Variants in FAM53C observed in about 807,000 individuals in gnomAD.
FAM53C encodes the protein protein FAM53C.
FAM53C carries 10 observed loss-of-function variants against 34.7 expected under a neutral mutation model. The ratio of observed to expected loss-of-function variants is 0.29; its 90% CI spans 0.18 to 0.49. FAM53C has a LOEUF of 0.49. FAM53C is among the 20% of genes least tolerant of loss of function. The pLI is 0.99. For synonymous variants in FAM53C, 203 were observed against 203.6 expected (o/e 1.00, Z 0.03); for missense variants, 442 against 515.3 (o/e 0.86, Z 1.38).
chr5:138,346,566 G>T (rs1415711005), intron 4 of FAM53C, 136 bp from the exon 5 acceptor site: 4 of 1,097,206 alleles, frequency 3.6e-6, no homozygotes, highest in Non-Finnish European at 5.1e-6. Flanking sequence ...AGAGCTTGCA[G>T]TGAGCCAAGA....
chr5:138,342,064 G>T, intron 3 of FAM53C, 198 bp downstream of exon 3: 1 of 547,384 alleles, frequency 1.8e-6, no homozygotes, highest in South Asian at 2.8e-5. Flanking sequence ...TTCTAGCTTT[G>T]TGGGGACTTG....
upstream of FAM53C, chr5:138,338,121 T>G: frequency 7.8e-7 from 1 of 1,289,660 alleles, no homozygotes. Context: ...GAGAGACACT[T>G]TGAGAGAGAC....
In FAM53C at chr5:138,345,369, T is replaced by G. The variant is rs1761141572; in HGVS notation, c.681T>G (p.Pro227=). 1.9e-6 allele frequency: 3 copies of G among 1,614,108 alleles called. No homozygotes were observed. The highest frequency in any genetic ancestry group is 2.5e-6 in the Non-Finnish European group (3 of 1,180,030). ...SDAESLSPCP[P]QRRFSLSPSL... ...CTGAGTCCTTGTCACCTTGCCCACC[T>G]CAGCGCCGCTTCTCCCTGTCACCCA... Residue 227 remains proline (P), a synonymous_variant, in exon 4 of 5, where the codon CCT becomes CCG. Coordinates refer to ENST00000239906, the MANE Select transcript of FAM53C (RefSeq NM_016605.3). The surrounding 1 kb of genome is among the most constrained non-coding windows in gnomAD (Gnocchi z 6.3).
intron 3 of FAM53C, chr5:138,342,544 A>G (rs535924108): frequency 6.6e-6 from 1 of 152,364 alleles, no homozygotes. Context: ...CCTGACCAAC[A>G]TGGAGAAACC....
Position 138,344,930 on chromosome 5 carries a change from C to T in FAM53C, c.242C>T (p.Pro81Leu), listed in dbSNP as rs1449388491. 6.2e-7 allele frequency: 1 copy of T among 1,614,122 alleles called. No homozygotes were observed. Among genetic ancestry groups the T allele is most frequent in the South Asian group, 1.1e-5 (1 of 91,076 alleles). The change falls in exon 4 of 5, where the codon CCC becomes CTC. Residue 81 changes from proline to leucine, a missense_variant. Transcript: ENST00000239906. ...PSGLSLHLRP[P>L]SRGNSPKEQP... ...GGCCTGAGCCTGCACCTCAGACCAC[C>T]CAGTCGGGGAAACTCCCCCAAGGAG... is the stretch of plus-strand genomic sequence containing the variant.
chr5:138,340,531 A>G (rs1426287844), intron 1 of FAM53C, among the ~76,000 whole-genome samples: 1 of 152,246 alleles, frequency 6.6e-6, no homozygotes, highest in Non-Finnish European at 1.5e-5. Context: ...TTTGCATCAG[A>G]TGAGGCTAAA....
chr5:138,347,230 G>A lies in FAM53C; in HGVS notation c.*271G>A. The A allele has an allele frequency of 2.0e-6, 1 of 492,232 alleles. No homozygotes were observed. The highest frequency in any genetic ancestry group is 3.9e-5 in the East Asian group (1 of 25,384). The allele number at this position is 492,232 out of a possible 1,614,324, so 30.5% of individuals were successfully genotyped here. A position where few individuals can be genotyped will look rare whatever the true frequency, so the allele number is the denominator to read the frequency against. On this transcript the variant is annotated 3_prime_UTR_variant, in exon 5 of 5. Transcript: ENST00000239906. Reference sequence around the variant, plus strand: ...AGTGTGAGTATCCCTGCCACCAAGAGAGCAATGGGCAGGGAAGGAAGGGGT... The same window carrying A: ...AGTGTGAGTATCCCTGCCACCAAGAAAGCAATGGGCAGGGAAGGAAGGGGT...
chr5:138,347,017 G>T lies in FAM53C; in HGVS notation c.*58G>T. 3.7e-6 allele frequency: 6 copies of T among 1,606,916 alleles called. No homozygotes were observed. Among genetic ancestry groups the T allele is most frequent in the Non-Finnish European group, 5.1e-6 (6 of 1,177,412 alleles). Reference sequence around the variant, plus strand: ...CTGACTCTCTCATGGCTACTAACAAGTGTCGAGTCCCCAAGGCTGGGGGCC... The same window carrying T: ...CTGACTCTCTCATGGCTACTAACAATTGTCGAGTCCCCAAGGCTGGGGGCC... On this transcript the variant is annotated 3_prime_UTR_variant, in exon 5 of 5. Coordinates refer to ENST00000239906, the MANE Select transcript of FAM53C (RefSeq NM_016605.3).
Position 138,347,342 on chromosome 5 carries a change from A to G in FAM53C, c.*383A>G. ...AGAATTTGGCCAGGGTGGGGGGTTG[A>G]GTCAGCCTCCTCAGAGAAACTGCGT... is the stretch of plus-strand genomic sequence containing the variant. On this transcript the variant is annotated 3_prime_UTR_variant, in exon 5 of 5. Transcript: ENST00000239906. 1 of 286,912 alleles carries G rather than the reference A, an allele frequency of 3.5e-6. No homozygotes were observed. The highest frequency in any genetic ancestry group is 6.7e-6 in the Non-Finnish European group (1 of 149,210). The allele number at this position is 286,912 out of a possible 1,614,324, so 17.8% of individuals were successfully genotyped here.
chr5:138,346,842 T>A lies in FAM53C; in HGVS notation c.1062T>A (p.Ser354Arg). 1 of 1,614,010 alleles carries A rather than the reference T, an allele frequency of 6.2e-7. No homozygotes were observed. Among genetic ancestry groups the A allele is most frequent in the Non-Finnish European group, 8.5e-7 (1 of 1,179,996 alleles). ...CTGGGGGTTCCTCCCAGGTGCTGAG[T>A]GAAAGCGAAGAGGAGGAGGAGGGGG... The part of the protein sequence containing the change: ...SPTGGSSQVL[S>R]ESEEEEEGAV... Residue 354 changes from serine to arginine, a missense_variant, in exon 5 of 5, where the codon AGT (serine) becomes AGA (arginine). Coordinates refer to ENST00000239906, the MANE Select transcript of FAM53C (RefSeq NM_016605.3).
rs373425900 is a variant in FAM53C at position 138,338,298 on chromosome 5, A to G, written c.-162A>G. ...CTCCGGCCGCGGCCCTGGGAGCTGG[A>G]GGAACCGCGGTAGGTGGTGGAGGGC... On this transcript the variant is annotated 5_prime_UTR_variant, in exon 1 of 5. Transcript: ENST00000239906. The G allele has an allele frequency of 1.2e-3, 799 of 658,742 alleles. 1 individual carries two copies. In the African/African-American group the frequency reaches 0.014, roughly 11 times the overall value. The allele number at this position is 658,742 out of a possible 1,614,324, so 40.8% of individuals were successfully genotyped here.
intron 1 of FAM53C, among the ~76,000 whole-genome samples, chr5:138,340,295 C>T (rs1241143804): frequency 6.6e-6 from 1 of 152,226 alleles, no homozygotes; most frequent in Non-Finnish European, 1.5e-5. Flanking sequence ...GATTTGTTCT[C>T]TTGACTAGCT....
chr5:138,339,014 T>C (rs893948911), intron 1 of FAM53C, among the ~76,000 whole-genome samples: 2 of 152,094 alleles, frequency 1.3e-5, no homozygotes, highest in Non-Finnish European at 2.9e-5. Flanking sequence ...GTCTGATCTT[T>C]ATTTTTGGGG....
At position 138,338,317 on chromosome 5, in the gene FAM53C, G is replaced by A. The variant is rs1213099879; in HGVS notation, c.-153+10G>A. On this transcript the variant is annotated intron_variant, in intron 1 of 4. Coordinates refer to ENST00000239906, the MANE Select transcript of FAM53C (RefSeq NM_016605.3). ...AGCTGGAGGAACCGCGGTAGGTGGT[G>A]GAGGGCAGGTGGCGCTGGGGCCTCG... is the stretch of plus-strand genomic sequence containing the variant. 3.9e-6 allele frequency: 2 copies of A among 512,780 alleles called. No individual in the cohort carries two copies. Among genetic ancestry groups the A allele is most frequent in the African/African-American group, 4.0e-5 (2 of 50,450 alleles). 31.8% of individuals were successfully genotyped at this position (512,780 alleles called of 1,614,324 possible).
chr5:138,338,598 C>A (rs999238747), intron 1 of FAM53C, among the ~76,000 whole-genome samples: 1 of 150,882 alleles, frequency 6.6e-6, no homozygotes, highest in Non-Finnish European at 1.5e-5. Context: ...CACCCCCCCC[C>A]CCGCCCCGGG....
At chr5:138,338,370 C>T (rs1760879382) in intron 1 of FAM53C, 63 bp downstream of exon 1, 1 of 397,880 alleles carries the variant, frequency 2.5e-6, no homozygotes, top group Non-Finnish European at 4.9e-6. Context: ...GTCCCTCCCT[C>T]CTTCCCTCTT....
Position 138,345,448 on chromosome 5 carries a change from T to C in FAM53C, c.760T>C (p.Ser254Pro), listed in dbSNP as rs1403462074. The change falls in exon 4 of 5, where the codon TCC (serine) becomes CCC (proline). Residue 254 changes from serine to proline, a missense_variant. Ser to Pro is a moderately conservative substitution (Grantham distance 74). Coordinates refer to ENST00000239906, the MANE Select transcript of FAM53C (RefSeq NM_016605.3). This position sits in a 1 kb window ranked among gnomAD's most constrained non-coding sequence, Gnocchi z 6.3. Reference protein sequence around the residue: ...FLPSARSSPASSPELPWRPRG... With the variant: ...FLPSARSSPAPSPELPWRPRG... ...GCCCTCTGCCCGGAGCTCTCCCGCA[T>C]CCTCCCCAGAGCTGCCCTGGCGACC... is the stretch of plus-strand genomic sequence containing the variant. 1 of 1,613,892 alleles carries C rather than the reference T, an allele frequency of 6.2e-7. No individual in the cohort carries two copies. The highest frequency in any genetic ancestry group is 1.7e-5 in the Admixed American group (1 of 60,006).
chr5:138,348,551 A>G lies in FAM53C; in HGVS notation c.*1592A>G, dbSNP rs1291603508. 2.0e-5 allele frequency: 3 copies of G among 152,176 alleles called. No individual in the cohort carries two copies. Among genetic ancestry groups the G allele is most frequent in the Non-Finnish European group, 4.4e-5 (3 of 68,014 alleles). The allele number at this position is 152,176 out of a possible 1,614,324, so 9.4% of individuals were successfully genotyped here. A position where few individuals can be genotyped will look rare whatever the true frequency, so the allele number is the denominator to read the frequency against. ...TTCCTCATGTAAGGGAGGAAGACCA[A>G]GGTCTTTGTGTTTTCTTCCTCATGG... On this transcript the variant is annotated 3_prime_UTR_variant, in exon 5 of 5. Transcript: ENST00000239906.
At chr5:138,341,909 C>G (rs1761044707) in intron 3 of FAM53C, 43 bp downstream of exon 3, 1 of 1,581,158 alleles carries the variant, frequency 6.3e-7, no homozygotes, top group Non-Finnish European at 8.7e-7. Flanking sequence ...GTACCCATTC[C>G]TCTCTCCACA....
Sources: gnomAD v4.1 joint callset for allele counts (sites outside exome capture counted in the v4.1 genomes callset) on GRCh38, gnomAD v4.1.1 for gene constraint, Gnocchi (gnomAD v3.1) non-coding constraint, MANE v1.5 for transcripts, NCBI Gene and HGNC (gene_info 2026-07-23, HGNC 2026-07-21) for gene names.